Variants in DSCAM observed in about 807,000 individuals in gnomAD.
DSCAM encodes cell adhesion molecule DSCAM.
Under a neutral mutation model 217.7 loss-of-function variants are expected in DSCAM, and 47 were observed. That is an observed-to-expected ratio of 0.22 (90% confidence interval 0.17 to 0.28). The LOEUF (loss-of-function observed/expected upper bound fraction) is 0.28, where lower values mean the gene tolerates loss of function less well. Ranked by LOEUF, DSCAM falls within the 10% of genes least tolerant of loss-of-function variation. The probability of loss-of-function intolerance (pLI) is 1.00; values close to 1 mark genes in which losing one functional copy is unlikely to be tolerated. For synonymous variants in DSCAM, 1,056 were observed against 1,015.3 expected, an observed-to-expected ratio of 1.04 and a Z score of -0.76; for missense variants, 2,080 against 2,618.3, an observed-to-expected ratio of 0.79 and a Z score of 4.49.
At chr21:40,583,012 A>G (rs1335586597) in intron 3 of DSCAM, among the ~76,000 whole-genome samples, 1 of 152,204 alleles carries the variant, frequency 6.6e-6, no homozygotes, top group Non-Finnish European at 1.5e-5. Flanking sequence ...TTACCAAAAA[A>G]TTTTAGGAAT....
At chr21:40,171,912 GT>G (rs1473522916) in intron 15 of DSCAM, among the ~76,000 whole-genome samples, 1 of 152,140 alleles carries the variant, frequency 6.6e-6, no homozygotes, top group African/African-American at 2.4e-5. Flanking sequence ...CAAAAATTAG[GT>G]ATATCCATTT....
rs2074146120 is a variant in DSCAM at position 40,312,165 on chromosome 21, A to G, written c.1978T>C (p.Ser660Pro). The G allele has an allele frequency of 6.2e-7, 1 of 1,613,934 alleles. No individual in the cohort carries two copies. Among genetic ancestry groups the G allele is most frequent in the African/African-American group, 1.3e-5 (1 of 74,894 alleles). Residue 660 changes from serine (S) to proline (P), a missense_variant, in exon 9 of 33, where the codon TCG becomes CCG. Transcript: ENST00000400454. ...FTSSLRISNL[S>P]LMHNGNYTCI... ...GTGTAATTCCCATTGTGCATGAGCGAGAGATTGGAAATCCTCAAGGAGCTC... is the reference window on the plus strand; with the variant it reads ...GTGTAATTCCCATTGTGCATGAGCGGGAGATTGGAAATCCTCAAGGAGCTC...
At chr21:40,217,641 T>G (rs1223658438) in intron 11 of DSCAM, among the ~76,000 whole-genome samples, 4 of 152,190 alleles carry the variant, frequency 2.6e-5, no homozygotes, top group Non-Finnish European at 4.4e-5. Flanking sequence ...CATTCCTTTT[T>G]CTCCACAACC....
intron 3 of DSCAM, among the ~76,000 whole-genome samples, chr21:40,398,872 G>A (rs2075207066): frequency 6.6e-6 from 1 of 152,088 alleles, no homozygotes; most frequent in Non-Finnish European, 1.5e-5. Flanking sequence ...ACAGGTGTCA[G>A]CCACCGCACC....
intron 1 of DSCAM, among the ~76,000 whole-genome samples, chr21:40,794,733 T>C (rs990047952): frequency 6.6e-6 from 1 of 150,598 alleles, no homozygotes; most frequent in Middle Eastern, 3.5e-3. Flanking sequence ...TGCAAATTAT[T>C]TGAACCCCTT....
intron 32 of DSCAM, among the ~76,000 whole-genome samples, chr21:40,033,140 C>T (rs1005196598): frequency 1.3e-5 from 2 of 152,114 alleles, no homozygotes; most frequent in African/African-American, 2.4e-5. Context: ...TTCAAGGTGC[C>T]TTTAGAAAGT....
Position 40,162,964 on chromosome 21 carries a change from A to G in DSCAM, c.3018+4254T>C, listed in dbSNP as rs1166971014. Reference sequence around the variant, plus strand: ...CAACACAAATTTTATATCAATAGGAAAAAAACTCTGTCTTAAATTGCATTC... The same window carrying G: ...CAACACAAATTTTATATCAATAGGAGAAAAACTCTGTCTTAAATTGCATTC... On this transcript the variant is annotated intron_variant, in intron 16 of 32. Transcript: ENST00000400454. Among the ~76,000 whole-genome samples the G allele has an allele frequency of 2.0e-5, 3 of 152,178 alleles. No homozygotes were observed. In the East Asian group the frequency reaches 5.8e-4, roughly 29 times the overall value.
chr21:40,117,807 G>C (rs1390172978), intron 20 of DSCAM, among the ~76,000 whole-genome samples: 2 of 152,174 alleles, frequency 1.3e-5, no homozygotes, highest in African/African-American at 4.8e-5. Flanking sequence ...TAGGTATAAA[G>C]CTTTTGGCAC....
chr21:40,094,477 G>C (rs1384505379), intron 20 of DSCAM, among the ~76,000 whole-genome samples: 1 of 152,154 alleles, frequency 6.6e-6, no homozygotes, highest in Non-Finnish European at 1.5e-5. Context: ...CAAAGGACAA[G>C]CTCTGGAGAT....
chr21:40,794,738 C>T (rs529745415), intron 1 of DSCAM, among the ~76,000 whole-genome samples: 31 of 149,846 alleles, frequency 2.1e-4, no homozygotes, highest in African/African-American at 7.1e-4. Flanking sequence ...ATTATTTGAA[C>T]CCCTTTTTCC....
intron 18 of DSCAM, among the ~76,000 whole-genome samples, chr21:40,140,409 T>A (rs1405149742): frequency 6.6e-6 from 1 of 152,200 alleles, no homozygotes; most frequent in Non-Finnish European, 1.5e-5. Context: ...AAGCCACATC[T>A]TTCATTTTAG....
chr21:40,033,508 T>C (rs1427454929), intron 32 of DSCAM, among the ~76,000 whole-genome samples: 1 of 151,578 alleles, frequency 6.6e-6, no homozygotes, highest in South Asian at 2.1e-4. Context: ...ATCCCGCACC[T>C]GGCTTGGAGG....
At chr21:40,050,458 C>G (rs905051394) in intron 30 of DSCAM, among the ~76,000 whole-genome samples, 1 of 151,424 alleles carries the variant, frequency 6.6e-6, no homozygotes, top group South Asian at 2.1e-4. Flanking sequence ...GAGAAGCCAA[C>G]GGCTGAAGAG....
intron 1 of DSCAM, among the ~76,000 whole-genome samples, chr21:40,797,088 A>G (rs978820888): frequency 1.3e-5 from 2 of 152,216 alleles, no homozygotes; most frequent in African/African-American, 4.8e-5. Context: ...TGTTCATTGA[A>G]CAAATAAACA....
intron 3 of DSCAM, among the ~76,000 whole-genome samples, chr21:40,488,352 G>A (rs564824154): frequency 1.9e-4 from 29 of 150,224 alleles, no homozygotes; most frequent in African/African-American, 5.1e-4. Flanking sequence ...TCTCCATATC[G>A]GGGATCCAGG....
intron 3 of DSCAM, among the ~76,000 whole-genome samples, chr21:40,599,072 TA>T (rs1347572049): frequency 6.6e-6 from 1 of 152,230 alleles, no homozygotes; most frequent in Non-Finnish European, 1.5e-5. Flanking sequence ...TGTTGAGCTT[TA>T]AGGCTGCTTT....
At chr21:40,555,773 C>T (rs1466330323) in intron 3 of DSCAM, among the ~76,000 whole-genome samples, 1 of 152,154 alleles carries the variant, frequency 6.6e-6, no homozygotes, top group Non-Finnish European at 1.5e-5. Context: ...GCTGGCACTA[C>T]AGGTGTCCAC....
At chr21:40,488,921 T>C (rs2076052093) in intron 3 of DSCAM, among the ~76,000 whole-genome samples, 1 of 152,184 alleles carries the variant, frequency 6.6e-6, no homozygotes. Flanking sequence ...TGCAGCCACG[T>C]GGAAAGAATA....
At chr21:40,764,014 T>A (rs1472125779) in intron 1 of DSCAM, among the ~76,000 whole-genome samples, 4 of 151,992 alleles carry the variant, frequency 2.6e-5, no homozygotes, top group African/African-American at 9.7e-5. Flanking sequence ...CTAGGCAATA[T>A]CATTCAGGAC....
Sources: gnomAD v4.1 joint callset for allele counts (sites outside exome capture counted in the v4.1 genomes callset) on GRCh38, gnomAD v4.1.1 for gene constraint, MANE v1.5 for transcripts, NCBI Gene and HGNC (gene_info 2026-07-23, HGNC 2026-07-21) for gene names.